PARD3B: variants seen among roughly 807,000 people sequenced by gnomAD.
The protein encoded by PARD3B is partitioning defective 3 homolog B.
In PARD3B, 103 loss-of-function variants were observed where a neutral mutation model predicts 130.2. The ratio of observed to expected loss-of-function variants is 0.79; its 90% CI spans 0.67 to 0.93. The LOEUF (loss-of-function observed/expected upper bound fraction) is 0.93. PARD3B is among the 40% of genes least tolerant of loss of function. The pLI is 0.00. For synonymous variants in PARD3B, 583 were observed against 553.2 expected (o/e 1.05, Z -0.76); for missense variants, 1,609 against 1,499.2 (o/e 1.07, Z -1.21).
chr2:205,188,381 C>T (rs764597176), intron 14 of PARD3B, among the ~76,000 whole-genome samples: 3 of 152,076 alleles, frequency 2.0e-5, no homozygotes, highest in Middle Eastern at 3.2e-3. Flanking sequence ...CATGCTTCTC[C>T]GGAGAGCAGT....
chr2:204,639,848 G>A (rs529772438), intron 1 of PARD3B, among the ~76,000 whole-genome samples: 4 of 152,238 alleles, frequency 2.6e-5, no homozygotes, highest in African/African-American at 4.8e-5. Context: ...TACTAGAAAG[G>A]CTTGGTGATG....
intron 2 of PARD3B, among the ~76,000 whole-genome samples, chr2:204,710,039 T>C (rs2038358105): frequency 6.6e-6 from 1 of 152,208 alleles, no homozygotes; most frequent in African/African-American, 2.4e-5. Flanking sequence ...TTTTATTAGT[T>C]TCATTGACTC....
At chr2:205,026,892 T>C (rs1050193628) in intron 3 of PARD3B, among the ~76,000 whole-genome samples, 26 of 152,182 alleles carry the variant, frequency 1.7e-4, no homozygotes, top group African/African-American at 5.8e-4. Flanking sequence ...ATTCTCTTGT[T>C]TAGACACACC....
intron 18 of PARD3B, among the ~76,000 whole-genome samples, chr2:205,326,080 G>T (rs1016733771): frequency 6.6e-6 from 1 of 152,108 alleles, no homozygotes; most frequent in African/African-American, 2.4e-5. Context: ...CGGATTTGGC[G>T]CATGTAGTTT....
intron 4 of PARD3B, among the ~76,000 whole-genome samples, chr2:205,074,448 G>A (rs1056990305): frequency 1.3e-5 from 2 of 152,116 alleles, no homozygotes; most frequent in Admixed American, 6.5e-5. Flanking sequence ...TTTATGGAAC[G>A]ACTTCAGAAA....
At chr2:204,576,546 A>G (rs1483805992) in intron 1 of PARD3B, among the ~76,000 whole-genome samples, 6 of 152,182 alleles carry the variant, frequency 3.9e-5, no homozygotes, top group African/African-American at 1.2e-4. Flanking sequence ...TCAATTAACA[A>G]TAAAATAACT....
intron 2 of PARD3B, among the ~76,000 whole-genome samples, chr2:204,703,464 C>G (rs543427033): frequency 2.0e-5 from 3 of 152,202 alleles, no homozygotes; most frequent in African/African-American, 7.2e-5. Flanking sequence ...TTACTTTATG[C>G]TCTTGTAAAA....
chr2:205,090,693 A>C, intron 4 of PARD3B, among the ~76,000 whole-genome samples: 1 of 152,174 alleles, frequency 6.6e-6, no homozygotes, highest in East Asian at 1.9e-4. Context: ...TCTTTCTTCC[A>C]ACTTTGTAAG....
Position 205,366,258 on chromosome 2 carries a change from C to T in PARD3B, c.2631-34755C>T, listed in dbSNP as rs1457597035. 6.6e-6 allele frequency among the ~76,000 whole-genome samples: 1 copy of T among 152,144 alleles called. No individual in the cohort carries two copies. The highest frequency in any genetic ancestry group is 1.5e-5 in the Non-Finnish European group (1 of 68,018). On this transcript the variant is annotated intron_variant, in intron 18 of 22. Coordinates refer to ENST00000406610, the MANE Select transcript of PARD3B (RefSeq NM_001302769.2). The surrounding 1 kb of genome is among the most constrained non-coding windows in gnomAD (Gnocchi z 5.0). ...GATGGAAAGTGGAGACAGCCCATAGCGCTTTGTTTGAAGGAGTTAGAATTT... is the reference window on the plus strand; with the variant it reads ...GATGGAAAGTGGAGACAGCCCATAGTGCTTTGTTTGAAGGAGTTAGAATTT...
At chr2:204,916,067 G>A (rs1328722036) in intron 2 of PARD3B, among the ~76,000 whole-genome samples, 3 of 152,130 alleles carry the variant, frequency 2.0e-5, no homozygotes, top group Non-Finnish European at 4.4e-5. Flanking sequence ...GAAATACAGC[G>A]TGATAACTGT....
In PARD3B at chr2:204,876,724, T is replaced by C. The variant is rs560445878; in HGVS notation, c.223-88428T>C. 4.6e-5 allele frequency among the ~76,000 whole-genome samples: 7 copies of C among 152,276 alleles called. No homozygotes were observed. The South Asian group carries it at 1.0e-3, about 23-fold the overall frequency. On this transcript the variant is annotated intron_variant, in intron 2 of 22. Transcript: ENST00000406610. Reference sequence around the variant, plus strand: ...TGTTTTCCCTCATGTCCAATTTTTATTGGGTTTTAAGTTGTATTAAAGGTA... The same window carrying C: ...TGTTTTCCCTCATGTCCAATTTTTACTGGGTTTTAAGTTGTATTAAAGGTA...
chr2:204,710,666 T>C (rs939697523), intron 2 of PARD3B, among the ~76,000 whole-genome samples: 1 of 152,242 alleles, frequency 6.6e-6, no homozygotes, highest in Non-Finnish European at 1.5e-5. Flanking sequence ...ACCTGCTTCA[T>C]TGATTCTCAA....
chr2:204,994,232 C>T (rs1224915041), intron 3 of PARD3B, among the ~76,000 whole-genome samples: 2 of 126,612 alleles, frequency 1.6e-5, no homozygotes, highest in African/African-American at 6.0e-5. Context: ...TATAAATTTC[C>T]CTCTACACAC....
intron 2 of PARD3B, among the ~76,000 whole-genome samples, chr2:204,867,255 A>G (rs1043764073): frequency 6.6e-6 from 1 of 152,188 alleles, no homozygotes; most frequent in Non-Finnish European, 1.5e-5. Flanking sequence ...TGATTTAGGC[A>G]TAAAACAAAA....
At chr2:205,227,383 A>G (rs1181953845) in intron 15 of PARD3B, among the ~76,000 whole-genome samples, 1 of 152,160 alleles carries the variant, frequency 6.6e-6, no homozygotes, top group Non-Finnish European at 1.5e-5. Context: ...ATATACATTT[A>G]TAATTGCTAT....
At chr2:204,552,381 C>A (rs1367497435) in intron 1 of PARD3B, among the ~76,000 whole-genome samples, 1 of 152,132 alleles carries the variant, frequency 6.6e-6, no homozygotes, top group Non-Finnish European at 1.5e-5. Flanking sequence ...GATGTACATC[C>A]TCTGTCTCTG....
intron 15 of PARD3B, among the ~76,000 whole-genome samples, chr2:205,237,018 A>G (rs2039092271): frequency 6.6e-6 from 1 of 152,252 alleles, no homozygotes; most frequent in Admixed American, 6.5e-5. Context: ...TGAAACACCC[A>G]TAGTGCTTCA....
intron 18 of PARD3B, among the ~76,000 whole-genome samples, chr2:205,400,632 A>G (rs1472164628): frequency 1.3e-5 from 2 of 151,804 alleles, no homozygotes. Context: ...ACAGAGTGAG[A>G]CGCTGTCTCA....
At chr2:205,313,400 G>A (rs1438380985) in intron 18 of PARD3B, among the ~76,000 whole-genome samples, 1 of 152,098 alleles carries the variant, frequency 6.6e-6, no homozygotes, top group African/African-American at 2.4e-5. Context: ...TTCATGGAGG[G>A]GCAAGGGCAT....
Sources: gnomAD v4.1 joint callset for allele counts (sites outside exome capture counted in the v4.1 genomes callset) on GRCh38, gnomAD v4.1.1 for gene constraint, Gnocchi (gnomAD v3.1) non-coding constraint, MANE v1.5 for transcripts, NCBI Gene and HGNC (gene_info 2026-07-23, HGNC 2026-07-21) for gene names.